The following SDCCAG8 variants were observed in gnomAD, a reference collection of about 807,000 sequenced individuals.
The protein encoded by SDCCAG8 is SHH signaling and ciliogenesis regulator SDCCAG8, also known as serologically defined colon cancer antigen 8.
A neutral mutation model predicts 101.8 loss-of-function variants in SDCCAG8; 74 were observed. The observed-to-expected ratio is 0.73, with a 90% CI of 0.60 to 0.88. The LOEUF is 0.88. Among genes scored for constraint, SDCCAG8 ranks in the 40% least tolerant of loss-of-function variants. The pLI is 0.00. For missense variants in SDCCAG8, 787 were observed against 822.6 expected (o/e 0.96, Z 0.53); for synonymous variants, 281 against 292.9 (o/e 0.96, Z 0.41).
At chr1:243,426,166 T>A (rs543614014) in intron 15 of SDCCAG8, among the ~76,000 whole-genome samples, 64 of 152,256 alleles carry the variant, frequency 4.2e-4, no homozygotes, top group Admixed American at 1.4e-3. Flanking sequence ...AAAAAGAGAT[T>A]TGATCATTAT....
At chr1:243,449,781 C>A (rs905924745) in intron 16 of SDCCAG8, among the ~76,000 whole-genome samples, 9 of 152,164 alleles carry the variant, frequency 5.9e-5, no homozygotes, top group African/African-American at 2.2e-4. Flanking sequence ...GAGTCCTGGG[C>A]TCCTTTTGGC....
At chr1:243,276,020 C>G (rs775795280) in intron 4 of SDCCAG8, among the ~76,000 whole-genome samples, 1 of 151,906 alleles carries the variant, frequency 6.6e-6, no homozygotes, top group African/African-American at 2.4e-5. Flanking sequence ...TGCGCCACCA[C>G]GCCCAGCTAA....
chr1:243,378,864 G>A lies in SDCCAG8; in HGVS notation c.1616+1G>A, dbSNP rs1254588099. 2 of 1,613,938 alleles carry A rather than the reference G, an allele frequency of 1.2e-6. No individual in the cohort carries two copies. The highest frequency in any genetic ancestry group is 1.7e-6 in the Non-Finnish European group (2 of 1,179,950). ...CTGAGCACCAACTGCACCTCACCAG[G>A]TACTCCCTAATCCCATTATGCGCCA... On this transcript the variant is annotated splice_donor_variant, in intron 13 of 17. Coordinates refer to ENST00000366541, the MANE Select transcript of SDCCAG8 (RefSeq NM_006642.5). LOFTEE classifies it high-confidence loss of function.
chr1:243,392,523 A>T (rs901507570), intron 13 of SDCCAG8, among the ~76,000 whole-genome samples: 4 of 152,228 alleles, frequency 2.6e-5, no homozygotes, highest in Non-Finnish European at 5.9e-5. Flanking sequence ...ATTTGTTCGG[A>T]ATCATTCACT....
chr1:243,405,606 G>A (rs1034198368), intron 13 of SDCCAG8, among the ~76,000 whole-genome samples: 2 of 152,108 alleles, frequency 1.3e-5, no homozygotes, highest in Non-Finnish European at 2.9e-5. Flanking sequence ...TTATTAAGGA[G>A]AGCTTATTGT....
chr1:243,288,375 G>T (rs1558238355), intron 5 of SDCCAG8, among the ~76,000 whole-genome samples: 1 of 151,966 alleles, frequency 6.6e-6, no homozygotes, highest in African/African-American at 2.4e-5. Flanking sequence ...TTTGGAGACT[G>T]AGGTCAGAGG....
At chr1:243,480,386 G>A (rs1477217715) in intron 16 of SDCCAG8, among the ~76,000 whole-genome samples, 2 of 67,760 alleles carry the variant, frequency 3.0e-5, no homozygotes, top group African/African-American at 1.2e-4. Context: ...GTGGATGGAT[G>A]GATGGATAGG....
chr1:243,306,123 T>C (rs1365604635), intron 7 of SDCCAG8: 3 of 150,052 alleles, frequency 2.0e-5, no homozygotes. Flanking sequence ...CTGGAACTCA[T>C]AGCTTTCACT....
In SDCCAG8 at chr1:243,285,468, A is replaced by G. The variant is rs542233746; in HGVS notation, c.421-804A>G. On this transcript the variant is annotated intron_variant, in intron 4 of 17. Coordinates refer to ENST00000366541, the MANE Select transcript of SDCCAG8 (RefSeq NM_006642.5). ...ATTCCAGACTGAAAATTCAAAGTCC[A>G]CAATATTTTTTAAATTACAGCTTTT... Among the ~76,000 whole-genome samples, 109 of 152,360 alleles carry G rather than the reference A, an allele frequency of 7.2e-4. 2 individuals are homozygous for G. Among genetic ancestry groups the G allele is most frequent in the Admixed American group, 7.1e-3 (108 of 15,302 alleles).
intron 3 of SDCCAG8, among the ~76,000 whole-genome samples, chr1:243,273,077 A>G (rs767798261): frequency 2.0e-5 from 3 of 152,198 alleles, no homozygotes; most frequent in Admixed American, 1.3e-4. Context: ...TTCTGAACCT[A>G]TTGCTATTAA....
intron 16 of SDCCAG8, among the ~76,000 whole-genome samples, chr1:243,434,069 G>A (rs1356049359): frequency 6.6e-6 from 1 of 152,178 alleles, no homozygotes; most frequent in Non-Finnish European, 1.5e-5. Context: ...TGCTCTTCTT[G>A]CTTTTAATTA....
At chr1:243,387,599 G>A (rs144346393) in intron 13 of SDCCAG8, among the ~76,000 whole-genome samples, 3,162 of 152,288 alleles carry the variant, frequency 0.021, 41 homozygotes, top group Non-Finnish European at 0.032. Context: ...TGAGAAAAGG[G>A]TACAGCAGAG....
intron 5 of SDCCAG8, among the ~76,000 whole-genome samples, chr1:243,288,746 C>T (rs745479567): frequency 3.9e-5 from 6 of 152,068 alleles, no homozygotes; most frequent in Non-Finnish European, 5.9e-5. Flanking sequence ...CAGTGGCTCA[C>T]GCCTGTAATC....
intron 16 of SDCCAG8, among the ~76,000 whole-genome samples, chr1:243,469,477 A>T (rs1660797611): frequency 6.6e-6 from 1 of 152,234 alleles, no homozygotes; most frequent in African/African-American, 2.4e-5. Flanking sequence ...TTTGAAGGGC[A>T]TACTTTTTTG....
intron 12 of SDCCAG8, among the ~76,000 whole-genome samples, chr1:243,358,305 A>G (rs1007921992): frequency 6.6e-6 from 1 of 152,164 alleles, no homozygotes; most frequent in South Asian, 2.1e-4. Context: ...TTTAAAGAAG[A>G]TATGTTAATA....
intron 16 of SDCCAG8, among the ~76,000 whole-genome samples, chr1:243,430,540 G>A (rs922091268): frequency 7.2e-5 from 11 of 152,022 alleles, no homozygotes; most frequent in African/African-American, 2.7e-4. Context: ...CGCCTCCCAG[G>A]TCCACGCAGT....
At chr1:243,495,855 A>C (rs1205468585) in intron 17 of SDCCAG8, among the ~76,000 whole-genome samples, 1 of 152,152 alleles carries the variant, frequency 6.6e-6, no homozygotes, top group East Asian at 1.9e-4. Flanking sequence ...CGTAGATATC[A>C]AACTGGCTGC....
intron 1 of SDCCAG8, among the ~76,000 whole-genome samples, chr1:243,263,153 C>T (rs568771161): frequency 2.6e-5 from 4 of 152,312 alleles, no homozygotes; most frequent in East Asian, 1.9e-4. Flanking sequence ...TAGCAAGTCT[C>T]CCCTCAACAC....
At chr1:243,297,788 C>G (rs1573063350) in intron 6 of SDCCAG8, among the ~76,000 whole-genome samples, 1 of 152,194 alleles carries the variant, frequency 6.6e-6, no homozygotes, top group South Asian at 2.1e-4. Flanking sequence ...AGGTATGTAT[C>G]TGACATATTT....
Sources: allele counts gnomAD v4.1 joint callset (sites outside exome capture counted in the v4.1 genomes callset), GRCh38; gene constraint gnomAD v4.1.1; transcripts MANE v1.5; gene names NCBI Gene and HGNC (gene_info 2026-07-23, HGNC 2026-07-21).